The following ARAP2 variants were observed in gnomAD, a reference collection of about 807,000 sequenced individuals.
ARAP2 encodes ArfGAP with RhoGAP domain, ankyrin repeat and PH domain 2.
A neutral mutation model predicts 194.5 loss-of-function variants in ARAP2; 148 were observed. The observed-to-expected ratio is 0.76, with a 90% CI of 0.67 to 0.87. The LOEUF (loss-of-function observed/expected upper bound fraction) is 0.87, where lower values mean the gene tolerates loss of function less well. Ranked by LOEUF, ARAP2 falls within the 40% of genes least tolerant of loss-of-function variation. ARAP2 has a pLI of 0.00. For missense variants in ARAP2, 2,128 were observed against 1,989.7 expected (o/e 1.07, Z -1.32); for synonymous variants, 695 against 683.5 (o/e 1.02, Z -0.26).
intron 31 of ARAP2, among the ~76,000 whole-genome samples, chr4:36,076,926 C>G (rs1285209611): frequency 6.6e-6 from 1 of 152,110 alleles, no homozygotes. Flanking sequence ...TTTCTGATTT[C>G]TACTCTTCCT....
intron 11 of ARAP2, 46 bp from the exon 12 acceptor site, chr4:36,161,596 A>G: frequency 1.3e-6 from 2 of 1,501,614 alleles, no homozygotes; most frequent in Non-Finnish European, 1.9e-6. Context: ...TTGTATGTAA[A>G]TTTATTTTAC....
intron 13 of ARAP2, chr4:36,160,116 T>C: frequency 1.0e-6 from 1 of 995,316 alleles, no homozygotes; most frequent in Non-Finnish European, 1.2e-6. Context: ...TCTTTTGCCT[T>C]GAAATAATAA....
At chr4:36,200,135 C>T (rs909877853) in intron 6 of ARAP2, among the ~76,000 whole-genome samples, 4 of 152,164 alleles carry the variant, frequency 2.6e-5, no homozygotes. Flanking sequence ...TATCAACATT[C>T]AATTAGTTGT....
chr4:36,168,067 G>C (rs1735692775), intron 9 of ARAP2, among the ~76,000 whole-genome samples: 1 of 151,452 alleles, frequency 6.6e-6, no homozygotes, highest in African/African-American at 2.4e-5. Flanking sequence ...TAGAGACTGT[G>C]AAAGAGCCAT....
intron 2 of ARAP2, among the ~76,000 whole-genome samples, chr4:36,217,905 T>C (rs1311983801): frequency 6.6e-6 from 1 of 151,276 alleles, no homozygotes; most frequent in Non-Finnish European, 1.5e-5. Context: ...CAATACCCCC[T>C]ATATGAATCT....
chr4:36,062,122 CT>C (rs1724544156), downstream of ARAP2, among the ~76,000 whole-genome samples: 3 of 152,032 alleles, frequency 2.0e-5, no homozygotes, highest in African/African-American at 2.4e-5. Context: ...TGGTTGTTCT[CT>C]TTGCTATGCA....
At chr4:36,068,369 T>C in intron 32 of ARAP2, 91 bp from the exon 33 acceptor site, 1 of 1,351,734 alleles carries the variant, frequency 7.4e-7, no homozygotes, top group Non-Finnish European at 9.8e-7. Context: ...TGATGCTTCC[T>C]ATAAAAGATC....
rs777195909 is a variant in ARAP2, at chr4:36,066,242, TATAA to T, written c.*1661_*1664del. On this transcript the variant is annotated 3_prime_UTR_variant, in exon 33 of 33. Transcript: ENST00000303965. ...CACATACCTCTTTATTTCATAAAAA[TATAA>T]ATATTTATTAGAAATAGTATGTTTA... 7.9e-5 allele frequency: 12 copies of T among 152,144 alleles called. No individual in the cohort carries two copies. Among genetic ancestry groups the T allele is most frequent in the East Asian group, 1.9e-4 (1 of 5,204 alleles). 9.4% of individuals were successfully genotyped at this position (152,144 alleles called of 1,614,324 possible).
chr4:36,072,480 G>A (rs1165942509), intron 32 of ARAP2, among the ~76,000 whole-genome samples: 3 of 151,906 alleles, frequency 2.0e-5, no homozygotes, highest in African/African-American at 2.4e-5. Flanking sequence ...TTGCTTTGCC[G>A]ATAATTGATC....
intron 5 of ARAP2, among the ~76,000 whole-genome samples, chr4:36,211,923 T>C (rs1390161511): frequency 2.0e-5 from 3 of 152,050 alleles, no homozygotes; most frequent in Admixed American, 6.6e-5. Context: ...AAAACCAAAA[T>C]TGAAGTTGGT....
At chr4:36,072,979 T>C (rs1343153433) in intron 32 of ARAP2, among the ~76,000 whole-genome samples, 2 of 152,182 alleles carry the variant, frequency 1.3e-5, no homozygotes, top group African/African-American at 4.8e-5. Flanking sequence ...ATTCCAAATT[T>C]AGGCTCAAGG....
At chr4:36,228,347 G>A (rs973855436) in intron 2 of ARAP2, among the ~76,000 whole-genome samples, 1 of 152,172 alleles carries the variant, frequency 6.6e-6, no homozygotes, top group African/African-American at 2.4e-5. Flanking sequence ...TAAGGGAAGG[G>A]ATGTCCCCCC....
intron 9 of ARAP2, among the ~76,000 whole-genome samples, chr4:36,167,486 T>A (rs1235777779): frequency 6.6e-6 from 1 of 152,178 alleles, no homozygotes; most frequent in African/African-American, 2.4e-5. Flanking sequence ...ACATGGAAAG[T>A]TCAGCTAGTT....
In ARAP2 at chr4:36,164,392, A is replaced by C. The variant is rs546068187; in HGVS notation, c.2173+522T>G. Among the ~76,000 whole-genome samples, 11 of 152,346 alleles carry C rather than the reference A, an allele frequency of 7.2e-5. No individual in the cohort carries two copies. In the South Asian group the frequency reaches 2.3e-3, roughly 32 times the overall value. ...AATACACTGAGATGTCAGGTTGTCCAGTGTGAGGTCACAAGAAGAAAACCA... is the reference window on the plus strand; with the variant it reads ...AATACACTGAGATGTCAGGTTGTCCCGTGTGAGGTCACAAGAAGAAAACCA... On this transcript the variant is annotated intron_variant, in intron 11 of 32. Transcript: ENST00000303965.
At chr4:36,082,179 T>C in intron 30 of ARAP2, 72 bp downstream of exon 30, 1 of 1,373,996 alleles carries the variant, frequency 7.3e-7, no homozygotes, top group Non-Finnish European at 1.0e-6. Context: ...CTATCTGCAA[T>C]TACTGAAATT....
At chr4:36,231,777 T>G (rs564798900) in intron 1 of ARAP2, among the ~76,000 whole-genome samples, 2 of 152,244 alleles carry the variant, frequency 1.3e-5, no homozygotes, top group African/African-American at 4.8e-5. Flanking sequence ...AGTCCACCTT[T>G]GTATTATCCA....
intron 32 of ARAP2, among the ~76,000 whole-genome samples, chr4:36,072,724 G>A (rs908975311): frequency 1.3e-5 from 2 of 148,454 alleles, no homozygotes; most frequent in African/African-American, 4.9e-5. Flanking sequence ...TGGAAGAAAT[G>A]ACAAGGTCAT....
intron 19 of ARAP2, among the ~76,000 whole-genome samples, 159 bp from the exon 20 acceptor site, chr4:36,133,548 T>G (rs959460328): frequency 4.0e-5 from 6 of 151,810 alleles, no homozygotes; most frequent in African/African-American, 1.4e-4. Context: ...TTTGCCTGCA[T>G]AGTCACATCA....
intron 9 of ARAP2, among the ~76,000 whole-genome samples, chr4:36,169,916 T>C (rs1442210252): frequency 6.6e-6 from 1 of 152,220 alleles, no homozygotes; most frequent in Non-Finnish European, 1.5e-5. Flanking sequence ...CTGGAAAATA[T>C]ACATAAGAGT....
Sources: allele counts gnomAD v4.1 joint callset (sites outside exome capture counted in the v4.1 genomes callset), GRCh38; gene constraint gnomAD v4.1.1; transcripts MANE v1.5; gene names NCBI Gene and HGNC (gene_info 2026-07-23, HGNC 2026-07-21).